RERE: variants seen among roughly 807,000 people sequenced by gnomAD.
The protein encoded by RERE is arginine-glutamic acid dipeptide repeats protein.
In RERE, 40 loss-of-function variants were observed where a neutral mutation model predicts 146.1. The observed-to-expected ratio is 0.27, with a 90% CI of 0.21 to 0.36. The LOEUF is 0.36. RERE is among the 10% of genes least tolerant of loss of function. RERE has a pLI of 1.00. For missense variants in RERE, 1,933 were observed against 2,138.7 expected (o/e 0.90, Z 1.90); for synonymous variants, 1,003 against 866.0 (o/e 1.16, Z -2.78).
At chr1:8,570,261 G>A (rs774245303) in intron 4 of RERE, among the ~76,000 whole-genome samples, 6 of 151,966 alleles carry the variant, frequency 3.9e-5, no homozygotes, top group South Asian at 4.1e-4. Flanking sequence ...TGCTTGAACC[G>A]GGGAAGTGGA....
At chr1:8,692,011 T>TA (rs1639217764) in intron 1 of RERE, among the ~76,000 whole-genome samples, 1 of 152,150 alleles carries the variant, frequency 6.6e-6, no homozygotes, top group Non-Finnish European at 1.5e-5. Context: ...CCTTGATCAT[T>TA]AAAATAAATG....
At position 8,786,955 on chromosome 1, in the gene RERE, C is replaced by T. The variant is rs558163845; in HGVS notation, c.-145+30205G>A. On this transcript the variant is annotated intron_variant, in intron 1 of 22. Transcript: ENST00000400908. ...CTCCATGGTTCCAGCTGGTAAAGAT[C>T]GCAGTCTAACTTTCACACAGCAGCC... 3.0e-5 allele frequency: 20 copies of T among 663,734 alleles called. No individual in the cohort carries two copies. In the East Asian group the frequency reaches 4.3e-4, roughly 14 times the overall value. 41.1% of individuals were successfully genotyped at this position (663,734 alleles called of 1,614,324 possible).
At chr1:8,597,196 C>T (rs1275307746) in intron 4 of RERE, among the ~76,000 whole-genome samples, 1 of 151,966 alleles carries the variant, frequency 6.6e-6, no homozygotes, top group African/African-American at 2.4e-5. Context: ...CAACTGATCC[C>T]TCTGGCCTCA....
At chr1:8,366,942 C>CAAAAAAAAAAAAAA (rs1557592178) in intron 12 of RERE, among the ~76,000 whole-genome samples, 11 of 135,044 alleles carry the variant, frequency 8.1e-5, no homozygotes, top group South Asian at 2.2e-4. Context: ...AAAAAAAAAA[C>CAAAAAAAAAAAAAA]CCAAAAAACA....
chr1:8,453,130 GA>G (rs1442632586), intron 11 of RERE, among the ~76,000 whole-genome samples: 3 of 152,212 alleles, frequency 2.0e-5, no homozygotes, highest in African/African-American at 7.2e-5. Context: ...AGAATTTAAT[GA>G]GGGAGACAAG....
At chr1:8,482,741 T>C (rs1415575735) in intron 10 of RERE, among the ~76,000 whole-genome samples, 1 of 139,850 alleles carries the variant, frequency 7.2e-6, no homozygotes, top group East Asian at 2.1e-4. Context: ...TGTGTTAAAA[T>C]GTTGTTACAT....
At chr1:8,649,107 C>G (rs1647469119) in intron 2 of RERE, among the ~76,000 whole-genome samples, 1 of 152,138 alleles carries the variant, frequency 6.6e-6, no homozygotes, top group African/African-American at 2.4e-5. Context: ...ACAGCAAACT[C>G]CAGAAATCAA....
chr1:8,407,126 C>G (rs2124450698), intron 12 of RERE, among the ~76,000 whole-genome samples: 1 of 152,300 alleles, frequency 6.6e-6, no homozygotes, highest in South Asian at 2.1e-4. Flanking sequence ...GGTACAGGCT[C>G]TCTCAGTGGC....
chr1:8,365,688 T>G (rs539311270), intron 13 of RERE, 124 bp downstream of exon 13: 1 of 1,078,246 alleles, frequency 9.3e-7, no homozygotes, highest in South Asian at 1.5e-5. Context: ...ACACATGCAC[T>G]GGAGCACGGG....
chr1:8,698,064 T>C (rs1057258552), intron 1 of RERE, among the ~76,000 whole-genome samples: 1 of 152,236 alleles, frequency 6.6e-6, no homozygotes, highest in Non-Finnish European at 1.5e-5. Flanking sequence ...AGAACGGCTA[T>C]TCCTTAGGCA....
At chr1:8,589,444 A>C (rs997202784) in intron 4 of RERE, among the ~76,000 whole-genome samples, 1 of 152,206 alleles carries the variant, frequency 6.6e-6, no homozygotes, top group Non-Finnish European at 1.5e-5. Flanking sequence ...TGTCTCAAAA[A>C]CAAACAAACA....
At chr1:8,816,177 T>G (rs1641907727) in intron 1 of RERE, among the ~76,000 whole-genome samples, 1 of 152,210 alleles carries the variant, frequency 6.6e-6, no homozygotes, top group Admixed American at 6.5e-5. Flanking sequence ...GATGCATCAA[T>G]TCCTGCTATA....
rs555251452 is a variant in RERE at position 8,355,044 on chromosome 1, C to A, written c.*43G>T. On this transcript the variant is annotated 3_prime_UTR_variant, in exon 23 of 23. Coordinates refer to ENST00000400908, the MANE Select transcript of RERE (RefSeq NM_001042681.2). ...ATGTAAAAAGTCCTGTTTCTCCCCCCAAGAACTGGGGTTTCCACAGCCAGC... is the reference window on the plus strand; with the variant it reads ...ATGTAAAAAGTCCTGTTTCTCCCCCAAAGAACTGGGGTTTCCACAGCCAGC... 3 of 1,571,720 alleles carry A rather than the reference C, an allele frequency of 1.9e-6. No individual in the cohort carries two copies.
intron 1 of RERE, among the ~76,000 whole-genome samples, chr1:8,808,707 G>T (rs765018475): frequency 6.6e-6 from 1 of 152,134 alleles, no homozygotes; most frequent in African/African-American, 2.4e-5. Flanking sequence ...GTTAACGGTA[G>T]ACAAATACTA....
intron 1 of RERE, among the ~76,000 whole-genome samples, chr1:8,695,757 C>T (rs1639316072): frequency 6.6e-6 from 1 of 151,950 alleles, no homozygotes; most frequent in Non-Finnish European, 1.5e-5. Flanking sequence ...GAGACTCCAA[C>T]TCAAAAAAAC....
chr1:8,778,672 G>A (rs7556144), intron 1 of RERE, among the ~76,000 whole-genome samples: 120,931 of 151,848 alleles, frequency 0.8, 48,514 homozygotes, highest in East Asian at 0.95. Context: ...CCCCATCTCT[G>A]CAAAAATACA....
At position 8,502,833 on chromosome 1, in the gene RERE, T is replaced by G. The variant is rs935183223; in HGVS notation, c.880-5304A>C. On this transcript the variant is annotated intron_variant, in intron 8 of 22. Transcript: ENST00000400908. ...AAACATGTGCTGTGTCCACTCAGGG[T>G]TAAATGGATTAAGGGCGGTGCAAGA... Among the ~76,000 whole-genome samples, 717 of 148,088 alleles carry G rather than the reference T, an allele frequency of 4.8e-3. 5 individuals are homozygous for G. Among genetic ancestry groups the G allele is most frequent in the African/African-American group, 0.017 (686 of 39,774 alleles).
intron 7 of RERE, among the ~76,000 whole-genome samples, chr1:8,523,891 T>TA (rs1293664550): frequency 1.3e-5 from 2 of 152,222 alleles, no homozygotes; most frequent in African/African-American, 4.8e-5. Flanking sequence ...GTTCACATTT[T>TA]TATTTGTTAA....
chr1:8,434,670 C>T (rs986736728), intron 11 of RERE: 3 of 152,230 alleles, frequency 2.0e-5, no homozygotes, highest in Non-Finnish European at 2.9e-5. Flanking sequence ...TCTAAGACTA[C>T]ATCATACAAA....
Sources: gnomAD v4.1 joint callset for allele counts (sites outside exome capture counted in the v4.1 genomes callset) on GRCh38, gnomAD v4.1.1 for gene constraint, MANE v1.5 for transcripts, NCBI Gene and HGNC (gene_info 2026-07-23, HGNC 2026-07-21) for gene names.